The following SLC39A12 variants were observed in gnomAD, a reference collection of about 807,000 sequenced individuals.
SLC39A12 encodes zinc transporter ZIP12.
Under a neutral mutation model 71.1 loss-of-function variants are expected in SLC39A12, and 63 were observed. The ratio of observed to expected loss-of-function variants is 0.89; its 90% CI spans 0.72 to 1.09. SLC39A12 has a LOEUF of 1.09. SLC39A12 is among the 50% of genes least tolerant of loss of function. SLC39A12 has a pLI of 0.00. For synonymous variants in SLC39A12, 351 were observed against 301.3 expected (o/e 1.16, Z -1.71); for missense variants, 892 against 812.6 (o/e 1.10, Z -1.19).
chr10:17,998,596 C>A (rs1318081192), intron 10 of SLC39A12, among the ~76,000 whole-genome samples: 1 of 152,122 alleles, frequency 6.6e-6, no homozygotes, highest in African/African-American at 2.4e-5. Flanking sequence ...TGCCTGAAAT[C>A]TTTCCCTTTT....
intron 12 of SLC39A12, among the ~76,000 whole-genome samples, chr10:18,025,938 A>G (rs1361520249): frequency 6.6e-6 from 1 of 152,188 alleles, no homozygotes; most frequent in South Asian, 2.1e-4. Flanking sequence ...CAAATAATAT[A>G]CTACTTCACA....
chr10:18,020,809 A>T (rs1053011230), intron 12 of SLC39A12, among the ~76,000 whole-genome samples: 1 of 151,930 alleles, frequency 6.6e-6, no homozygotes, highest in Non-Finnish European at 1.5e-5. Flanking sequence ...TCATTTTTTA[A>T]TGGGGCCATT....
chr10:17,975,944 T>C (rs1689351114), intron 4 of SLC39A12, among the ~76,000 whole-genome samples: 1 of 152,164 alleles, frequency 6.6e-6, no homozygotes, highest in Non-Finnish European at 1.5e-5. Context: ...CTTTCTGCTT[T>C]AACAGGACAG....
chr10:17,954,428 G>T (rs1232880898), intron 2 of SLC39A12, among the ~76,000 whole-genome samples: 1 of 151,992 alleles, frequency 6.6e-6, no homozygotes. Context: ...TAATTTTTTT[G>T]TATCTTTAGT....
chr10:18,029,834 G>A (rs1836786721), intron 12 of SLC39A12, among the ~76,000 whole-genome samples: 1 of 150,680 alleles, frequency 6.6e-6, no homozygotes, highest in African/African-American at 2.4e-5. Flanking sequence ...AAATACTCTT[G>A]AAAATTAATT....
intron 12 of SLC39A12, among the ~76,000 whole-genome samples, chr10:18,018,780 A>T (rs895675441): frequency 1.3e-5 from 2 of 152,114 alleles, no homozygotes; most frequent in Non-Finnish European, 2.9e-5. Flanking sequence ...TTGATTTGCC[A>T]ATACTTTGTT....
chr10:18,036,003 G>A (rs1468648564), intron 12 of SLC39A12, among the ~76,000 whole-genome samples: 1 of 152,176 alleles, frequency 6.6e-6, no homozygotes, highest in Non-Finnish European at 1.5e-5. Flanking sequence ...CAGTCTGCCG[G>A]TTCTCAGATC....
chr10:17,965,460 C>T, intron 3 of SLC39A12, 23 bp from the exon 4 acceptor site: 1 of 1,605,986 alleles, frequency 6.2e-7, no homozygotes, highest in Non-Finnish European at 8.5e-7. Flanking sequence ...ACAATTTTCT[C>T]TTTATTTTGT....
At chr10:18,023,239 G>C (rs1177105895) in intron 12 of SLC39A12, among the ~76,000 whole-genome samples, 2 of 152,190 alleles carry the variant, frequency 1.3e-5, no homozygotes, top group African/African-American at 4.8e-5. Flanking sequence ...GAGAAACTTA[G>C]AACTGCTGTC....
At chr10:18,006,570 G>A (rs1836025905) in intron 12 of SLC39A12, among the ~76,000 whole-genome samples, 1 of 152,216 alleles carries the variant, frequency 6.6e-6, no homozygotes, top group South Asian at 2.1e-4. Context: ...AACTGAAACA[G>A]AGAAGGAAGA....
At chr10:18,017,254 C>A (rs941532915) in intron 12 of SLC39A12, among the ~76,000 whole-genome samples, 21 of 152,062 alleles carry the variant, frequency 1.4e-4, no homozygotes, top group Non-Finnish European at 2.2e-4. Flanking sequence ...TCCTAATCTT[C>A]TAGGATTTTT....
chr10:18,039,656 A>C (rs976279602), intron 12 of SLC39A12, among the ~76,000 whole-genome samples: 1 of 152,180 alleles, frequency 6.6e-6, no homozygotes, highest in Non-Finnish European at 1.5e-5. Flanking sequence ...TGAGCCCAGG[A>C]GTTCACGGCT....
chr10:18,027,442 CAGA>C (rs1430323027), intron 12 of SLC39A12, among the ~76,000 whole-genome samples: 3 of 152,192 alleles, frequency 2.0e-5, no homozygotes, highest in African/African-American at 7.2e-5. Flanking sequence ...CTCCTCCTAC[CAGA>C]AGTATGAGAA....
Position 18,003,291 on chromosome 10 carries a change from C to A in SLC39A12, c.1880C>A (p.Pro627Gln). The A allele has an allele frequency of 1.2e-6, 2 of 1,614,054 alleles. No homozygotes were observed. The highest frequency in any genetic ancestry group is 1.7e-6 in the Non-Finnish European group (2 of 1,180,006). ...LYIGLSVSAD[P>Q]CVQDWIFTVT... is the part of the protein sequence containing the mutation. ...ATTGGCCTTTCCGTGTCAGCTGATC[C>A]ATGTGTTCAAGACTGGATCTTCACA... The change falls in exon 12 of 13, where the codon CCA (proline) becomes CAA (glutamine). Residue 627 changes from proline (P) to glutamine (Q), a missense_variant. Physicochemically the swap from Pro to Gln is moderately conservative, Grantham distance 76 (BLOSUM62 -1). Coordinates refer to ENST00000377369, the MANE Select transcript of SLC39A12 (RefSeq NM_001145195.2).
At chr10:18,012,698 C>T (rs895585716) in intron 12 of SLC39A12, among the ~76,000 whole-genome samples, 1 of 152,090 alleles carries the variant, frequency 6.6e-6, no homozygotes, top group African/African-American at 2.4e-5. Flanking sequence ...GAAACCCCTT[C>T]TCTACTAAAA....
At chr10:18,002,743 C>T (rs574482491) in intron 11 of SLC39A12, 1 of 153,292 alleles carries the variant, frequency 6.5e-6, no homozygotes, top group South Asian at 2.1e-4. Context: ...AAGTAGTTTT[C>T]TCTCCCCACA....
chr10:17,974,534 A>C (rs1231290706), intron 4 of SLC39A12, among the ~76,000 whole-genome samples: 1 of 152,220 alleles, frequency 6.6e-6, no homozygotes, highest in Non-Finnish European at 1.5e-5. Context: ...ACTTATACAG[A>C]TATCTGGTCC....
chr10:18,030,168 A>G (rs1589256826), intron 12 of SLC39A12, among the ~76,000 whole-genome samples: 1 of 152,276 alleles, frequency 6.6e-6, no homozygotes, highest in East Asian at 1.9e-4. Flanking sequence ...ATTGAAATGG[A>G]AACTTTTATT....
At position 18,041,616 on chromosome 10, in the gene SLC39A12, T is replaced by C. The variant is rs147588565; in HGVS notation, c.1948-1089T>C. Among the ~76,000 whole-genome samples, 6 of 133,658 alleles carry C rather than the reference T, an allele frequency of 4.5e-5. No individual in the cohort carries two copies. The Admixed American group carries it at 4.6e-4, about 10-fold the overall frequency. The allele number at this position is 133,658 out of a possible 152,430, so 87.7% of individuals were successfully genotyped here. On this transcript the variant is annotated intron_variant, in intron 12 of 12. Transcript: ENST00000377369. ...ATATATATGTGTATATATATGTATA[T>C]ACATATGTATATATGTGTATATATA... is the stretch of plus-strand genomic sequence containing the variant.
Sources: gnomAD v4.1 joint callset for allele counts (sites outside exome capture counted in the v4.1 genomes callset) on GRCh38, gnomAD v4.1.1 for gene constraint, MANE v1.5 for transcripts, NCBI Gene and HGNC (gene_info 2026-07-23, HGNC 2026-07-21) for gene names.